NPHP4: variants seen among roughly 807,000 people sequenced by gnomAD.
NPHP4 encodes the protein nephrocystin-4.
NPHP4 carries 151 observed loss-of-function variants against 155.8 expected under a neutral mutation model. The observed-to-expected ratio is 0.97, with a 90% CI of 0.85 to 1.11. NPHP4 has a LOEUF of 1.11. Among genes scored for constraint, NPHP4 ranks in the 50% least tolerant of loss-of-function variants. The probability of loss-of-function intolerance (pLI) is 0.00; values close to 1 mark genes in which losing one functional copy is unlikely to be tolerated. For synonymous variants in NPHP4, 845 were observed against 816.8 expected (o/e 1.03, Z -0.59); for missense variants, 1,956 against 1,925.7 (o/e 1.02, Z -0.29).
chr1:5,888,420 A>G (rs1466050875), intron 17 of NPHP4: 1 of 1,096,584 alleles, frequency 9.1e-7, no homozygotes, highest in Non-Finnish European at 1.1e-6. Context: ...CAGTTTCTAC[A>G]GCAACAAAAG....
intron 6 of NPHP4, among the ~76,000 whole-genome samples, chr1:5,960,390 C>T (rs1237952581): frequency 6.6e-6 from 1 of 152,142 alleles, no homozygotes; most frequent in Non-Finnish European, 1.5e-5. Context: ...ATCTACACCC[C>T]AGCACCAACC....
At chr1:5,902,482 C>T (rs1489025278) in intron 16 of NPHP4, among the ~76,000 whole-genome samples, 1 of 152,256 alleles carries the variant, frequency 6.6e-6, no homozygotes, top group Admixed American at 6.5e-5. Flanking sequence ...TCTTGACCGA[C>T]TGTGCCCATG....
chr1:5,967,264 C>A (rs1222058457), intron 5 of NPHP4, 35 bp downstream of exon 5: 1 of 1,544,230 alleles, frequency 6.5e-7, no homozygotes, highest in Non-Finnish European at 8.8e-7. Context: ...GGCACGAGAG[C>A]AGTGAGTGCT....
intron 5 of NPHP4, among the ~76,000 whole-genome samples, chr1:5,962,385 C>A (rs569164659): frequency 6.6e-6 from 1 of 152,048 alleles, no homozygotes; most frequent in Admixed American, 6.5e-5. Flanking sequence ...TCTCTCCCAC[C>A]CACTAATTCC....
chr1:5,871,219 C>G (rs775206323), intron 23 of NPHP4, among the ~76,000 whole-genome samples: 1 of 152,146 alleles, frequency 6.6e-6, no homozygotes. Context: ...TAACTCTTCC[C>G]TAAGTTCTAA....
In NPHP4 at chr1:5,964,941, A is replaced by ATTTTT. The variant is rs55734317; in HGVS notation, c.517+2353_517+2357dup. On this transcript the variant is annotated intron_variant, in intron 5 of 29. Coordinates refer to ENST00000378156, the MANE Select transcript of NPHP4 (RefSeq NM_015102.5). ...ATTATATATATATATATATATATAT[A>ATTTTT]TTTTTTTTTTTTGAGGCAGGGTCTC... 2.5e-4 allele frequency among the ~76,000 whole-genome samples: 15 copies of ATTTTT among 59,420 alleles called. 1 individual carries two copies. The highest frequency in any genetic ancestry group is 1.2e-3 in the African/African-American group (14 of 11,796). The allele number at this position is 59,420 out of a possible 152,430, so 39.0% of individuals were successfully genotyped here.
At chr1:5,988,919 C>T (rs1462763882) in intron 1 of NPHP4, among the ~76,000 whole-genome samples, 1 of 150,536 alleles carries the variant, frequency 6.6e-6, no homozygotes, top group African/African-American at 2.5e-5. Context: ...GAGGACCAGA[C>T]TCAGTCTGGT....
At chr1:5,987,588 C>T (rs1038070640) in intron 1 of NPHP4, among the ~76,000 whole-genome samples, 41 of 152,216 alleles carry the variant, frequency 2.7e-4, no homozygotes, top group African/African-American at 9.4e-4. Context: ...GTAAGAACAT[C>T]CTTGGTGAAG....
Position 5,890,866 on chromosome 1 carries a change from A to C in NPHP4, c.2304+2T>G. The C allele has an allele frequency of 6.2e-7, 1 of 1,607,602 alleles. No homozygotes were observed. The highest frequency in any genetic ancestry group is 8.5e-7 in the Non-Finnish European group (1 of 1,176,056). ...GTGCCTGTCCTTCCAGAGAGCCGCT[A>C]CCTTCATCTGGACGGCAGCAGATCC... On this transcript the variant is annotated splice_donor_variant, in intron 17 of 29. Coordinates refer to ENST00000378156, the MANE Select transcript of NPHP4 (RefSeq NM_015102.5). LOFTEE classifies it high-confidence loss of function. The surrounding 1 kb of genome is among the most constrained non-coding windows in gnomAD (Gnocchi z 4.9).
Position 5,867,213 on chromosome 1 carries a change from T to C in NPHP4, c.3473-98A>G. 1.1e-6 allele frequency: 1 copy of C among 870,992 alleles called. No individual in the cohort carries two copies. The highest frequency in any genetic ancestry group is 1.8e-6 in the Non-Finnish European group (1 of 554,684). 54.0% of individuals were successfully genotyped at this position (870,992 alleles called of 1,614,324 possible). On this transcript the variant is annotated intron_variant, in intron 24 of 29. Coordinates refer to ENST00000378156, the MANE Select transcript of NPHP4 (RefSeq NM_015102.5). This position sits in a 1 kb window ranked among gnomAD's most constrained non-coding sequence, Gnocchi z 4.1. ...CACACTATAGGACAGGACAGGCTCG[T>C]CACAGGTGCTCAGCAAGACACCTGC... is the stretch of plus-strand genomic sequence containing the variant.
intron 11 of NPHP4, among the ~76,000 whole-genome samples, chr1:5,924,779 T>C (rs2101631128): frequency 6.6e-6 from 1 of 152,266 alleles, no homozygotes; most frequent in East Asian, 1.9e-4. Context: ...CTTGGCCTCC[T>C]GAGTAGCGGG....
chr1:5,953,845 G>A (rs1292281606), intron 6 of NPHP4, among the ~76,000 whole-genome samples: 1 of 152,206 alleles, frequency 6.6e-6, no homozygotes, highest in Non-Finnish European at 1.5e-5. Flanking sequence ...TGTGGACTCT[G>A]CCCCTTCTTT....
rs1205891489 is a variant in NPHP4, at chr1:5,863,738, C to G, written c.4140+152G>C. 19 of 784,678 alleles carry G rather than the reference C, an allele frequency of 2.4e-5. No homozygotes were observed. The East Asian group carries it at 4.7e-4, about 20-fold the overall frequency. The allele number at this position is 784,678 out of a possible 1,614,324, so 48.6% of individuals were successfully genotyped here. A position where few individuals can be genotyped will look rare whatever the true frequency, so the allele number is the denominator to read the frequency against. ...TCCAGCTACTAAAGATACAACGGGCCCACCCAACTATGGGATGGTACCTGT... is the reference window on the plus strand; with the variant it reads ...TCCAGCTACTAAAGATACAACGGGCGCACCCAACTATGGGATGGTACCTGT... On this transcript the variant is annotated intron_variant, in intron 29 of 29. Coordinates refer to ENST00000378156, the MANE Select transcript of NPHP4 (RefSeq NM_015102.5).
intron 16 of NPHP4, among the ~76,000 whole-genome samples, chr1:5,895,631 T>C (rs1054045856): frequency 3.9e-5 from 6 of 152,192 alleles, no homozygotes; most frequent in South Asian, 2.1e-4. Context: ...GCCCCACGGA[T>C]TGCCAGTGGC....
chr1:5,868,132 G>A (rs561065975), intron 23 of NPHP4: 2 of 655,842 alleles, frequency 3.0e-6, no homozygotes, highest in East Asian at 5.7e-5. Context: ...GGGCACCCAA[G>A]CAGCCACACT....
chr1:5,914,028 G>A lies in NPHP4; in HGVS notation c.1442-4815C>T, dbSNP rs1012787885. 2.0e-5 allele frequency among the ~76,000 whole-genome samples: 3 copies of A among 151,930 alleles called. No individual in the cohort carries two copies. The East Asian group carries it at 5.8e-4, about 29-fold the overall frequency. ...GCTTCGCTTCTTCATCACGCACGCG[G>A]GCCAGGACATGAACAGGGATAGGGC... is the stretch of plus-strand genomic sequence containing the variant. On this transcript the variant is annotated intron_variant, in intron 11 of 29. Transcript: ENST00000378156.
rs112161683 is a variant in NPHP4 at position 5,988,951 on chromosome 1, C to T, written c.-38-2624G>A. ...TGGTCCTGTGTGAATCCAGCAGGCA[C>T]ACATGCTGGTTTGTTCCTTTTTGTT... On this transcript the variant is annotated intron_variant, in intron 1 of 29. Transcript: ENST00000378156. Among the ~76,000 whole-genome samples the T allele has an allele frequency of 2.9e-3, 448 of 152,316 alleles. 3 individuals are homozygous for T. Among genetic ancestry groups the T allele is most frequent in the African/African-American group, 0.01 (420 of 41,570 alleles).
At chr1:5,964,607 T>G (rs1320688682) in intron 5 of NPHP4, among the ~76,000 whole-genome samples, 7 of 152,074 alleles carry the variant, frequency 4.6e-5, no homozygotes, top group Non-Finnish European at 1.0e-4. Flanking sequence ...GTCCTTCATC[T>G]CCATGCCTCC....
intron 16 of NPHP4, among the ~76,000 whole-genome samples, chr1:5,899,199 G>C (rs1484343480): frequency 6.6e-6 from 1 of 152,096 alleles, no homozygotes; most frequent in Non-Finnish European, 1.5e-5. Flanking sequence ...TAACACAACG[G>C]CCGTGCGCAC....
Sources: allele counts gnomAD v4.1 joint callset (sites outside exome capture counted in the v4.1 genomes callset), GRCh38; gene constraint gnomAD v4.1.1; non-coding constraint Gnocchi (gnomAD v3.1); transcripts MANE v1.5; gene names NCBI Gene and HGNC (gene_info 2026-07-23, HGNC 2026-07-21).